Variants in GABRB1 observed in about 807,000 individuals in gnomAD.
GABRB1 encodes gamma-aminobutyric acid type A receptor subunit beta1.
A neutral mutation model predicts 51.6 loss-of-function variants in GABRB1; 17 were observed. The ratio of observed to expected loss-of-function variants is 0.33; its 90% confidence interval spans 0.23 to 0.49. The LOEUF (loss-of-function observed/expected upper bound fraction) is 0.49, where lower values mean the gene tolerates loss of function less well. Ranked by LOEUF, GABRB1 falls within the 20% of genes least tolerant of loss-of-function variation. GABRB1 has a pLI of 0.99. For missense variants in GABRB1, 410 were observed against 600.6 expected (o/e 0.68, Z 3.32); for synonymous variants, 247 against 218.9 (o/e 1.13, Z -1.14).
intron 4 of GABRB1, among the ~76,000 whole-genome samples, chr4:47,244,391 G>A (rs1219931449): frequency 6.6e-6 from 1 of 152,010 alleles, no homozygotes; most frequent in Non-Finnish European, 1.5e-5. Context: ...GATGATGCTG[G>A]CCTCATACAA....
chr4:47,243,502 A>T (rs1721616286), intron 4 of GABRB1, among the ~76,000 whole-genome samples: 1 of 152,156 alleles, frequency 6.6e-6, no homozygotes, highest in South Asian at 2.1e-4. Context: ...CACAATATTG[A>T]TTCTTCCTAC....
intron 4 of GABRB1, among the ~76,000 whole-genome samples, chr4:47,276,269 A>C (rs1723072434): frequency 6.6e-6 from 1 of 152,114 alleles, no homozygotes; most frequent in Non-Finnish European, 1.5e-5. Context: ...AAGAGCTCAG[A>C]ATTTTTGCTT....
chr4:47,288,789 G>A (rs1175311202), intron 4 of GABRB1, among the ~76,000 whole-genome samples: 1 of 152,122 alleles, frequency 6.6e-6, no homozygotes, highest in African/African-American at 2.4e-5. Flanking sequence ...GAGAAAAGAG[G>A]AAACTGAGTC....
chr4:47,321,823 C>T (rs892971088), intron 5 of GABRB1, among the ~76,000 whole-genome samples: 2 of 152,122 alleles, frequency 1.3e-5, no homozygotes, highest in Admixed American at 6.5e-5. Context: ...ATACAGCAAC[C>T]TCTTGAAATT....
intron 3 of GABRB1, among the ~76,000 whole-genome samples, chr4:47,135,591 C>A (rs1347601694): frequency 6.6e-6 from 1 of 152,066 alleles, no homozygotes; most frequent in East Asian, 1.9e-4. Context: ...TCTCTTCAAT[C>A]TGTCTCTTCT....
At chr4:47,300,823 C>T (rs1283429128) in intron 4 of GABRB1, among the ~76,000 whole-genome samples, 1 of 152,026 alleles carries the variant, frequency 6.6e-6, no homozygotes, top group Non-Finnish European at 1.5e-5. Context: ...CCACTGAATA[C>T]AAGATTCTTA....
At chr4:47,293,659 T>A (rs2109925917) in intron 4 of GABRB1, among the ~76,000 whole-genome samples, 1 of 152,354 alleles carries the variant, frequency 6.6e-6, no homozygotes, top group East Asian at 1.9e-4. Flanking sequence ...CATAGTCATG[T>A]AACAGTGTAA....
intron 5 of GABRB1, among the ~76,000 whole-genome samples, chr4:47,346,200 G>A (rs1324553195): frequency 1.3e-5 from 2 of 152,140 alleles, no homozygotes; most frequent in Admixed American, 1.3e-4. Flanking sequence ...GGCATTGGAA[G>A]GACCACCACA....
chr4:47,160,221 G>A (rs1252926543), intron 3 of GABRB1, among the ~76,000 whole-genome samples: 7 of 152,060 alleles, frequency 4.6e-5, no homozygotes, highest in African/African-American at 9.7e-5. Flanking sequence ...AATATTTTGC[G>A]AAGGTGAAGA....
At chr4:47,250,035 T>C (rs1721924611) in intron 4 of GABRB1, among the ~76,000 whole-genome samples, 1 of 152,166 alleles carries the variant, frequency 6.6e-6, no homozygotes. Context: ...TGTATTTTTG[T>C]TTTATAGGTC....
chr4:47,275,433 C>A (rs1288907082), intron 4 of GABRB1, among the ~76,000 whole-genome samples: 1 of 152,062 alleles, frequency 6.6e-6, no homozygotes, highest in Non-Finnish European at 1.5e-5. Flanking sequence ...TGACTTTGGG[C>A]AAATTACACA....
At chr4:47,391,456 C>G (rs1174534253) in intron 5 of GABRB1, among the ~76,000 whole-genome samples, 5 of 152,172 alleles carry the variant, frequency 3.3e-5, no homozygotes, top group Non-Finnish European at 7.3e-5. Flanking sequence ...TGTTTTGACT[C>G]ACCCTTCTCC....
At chr4:47,021,486 A>T (rs1010834220) in intron 1 of GABRB1, among the ~76,000 whole-genome samples, 1 of 152,264 alleles carries the variant, frequency 6.6e-6, no homozygotes, top group East Asian at 1.9e-4. Context: ...GGGAAAAAAT[A>T]AGAGGTAATC....
At chr4:47,313,113 A>C (rs1274659116) in intron 4 of GABRB1, among the ~76,000 whole-genome samples, 3 of 152,160 alleles carry the variant, frequency 2.0e-5, no homozygotes, top group Non-Finnish European at 4.4e-5. Flanking sequence ...TAGTGTTCTG[A>C]CCTAACTTTC....
At chr4:47,089,512 ATCTC>A (rs148304420) in intron 3 of GABRB1, among the ~76,000 whole-genome samples, 1 of 151,924 alleles carries the variant, frequency 6.6e-6, no homozygotes, top group African/African-American at 2.4e-5. Context: ...ACGAGAGCAC[ATCTC>A]TCTCTCTCTC....
At position 47,386,202 on chromosome 4, in the gene GABRB1, A is replaced by G. The variant is rs574782387; in HGVS notation, c.545-17116A>G. ...GACAACCAGCCCCCATCCTGAAGCC[A>G]TCTAGATGCTCACCAGAATCACTGC... is the stretch of plus-strand genomic sequence containing the variant. On this transcript the variant is annotated intron_variant, in intron 5 of 8. Transcript: ENST00000295454. Among the ~76,000 whole-genome samples, 563 of 152,304 alleles carry G rather than the reference A, an allele frequency of 3.7e-3. 2 individuals carry two copies. The highest frequency in any genetic ancestry group is 6.1e-3 in the Admixed American group (94 of 15,296).
chr4:47,322,037 T>C (rs1286271989), intron 5 of GABRB1, among the ~76,000 whole-genome samples: 1 of 152,228 alleles, frequency 6.6e-6, no homozygotes, highest in Non-Finnish European at 1.5e-5. Context: ...TTAATCATAT[T>C]TTTAAAAGAT....
At chr4:47,369,088 A>T (rs1727093078) in intron 5 of GABRB1, among the ~76,000 whole-genome samples, 1 of 152,164 alleles carries the variant, frequency 6.6e-6, no homozygotes, top group South Asian at 2.1e-4. Context: ...AGCCTGGGTA[A>T]CAGAGAGAGA....
At chr4:47,031,141 A>T (rs1198010445), upstream of GABRB1, among the ~76,000 whole-genome samples, 1 of 151,770 alleles carries the variant, frequency 6.6e-6, no homozygotes, top group African/African-American at 2.4e-5. Flanking sequence ...CCCTGCTCCC[A>T]GTCACCCCCA....
Sources: gnomAD v4.1 joint callset for allele counts (sites outside exome capture counted in the v4.1 genomes callset) on GRCh38, gnomAD v4.1.1 for gene constraint, MANE v1.5 for transcripts, NCBI Gene and HGNC (gene_info 2026-07-23, HGNC 2026-07-21) for gene names.